ZNF362: variants seen among roughly 807,000 people sequenced by gnomAD.
ZNF362 encodes rotund homolog.
Under a neutral mutation model 42.9 loss-of-function variants are expected in ZNF362, and 11 were observed. That is an observed-to-expected ratio of 0.26 (90% CI 0.16 to 0.42). The LOEUF (loss-of-function observed/expected upper bound fraction) is 0.42. Ranked by LOEUF, ZNF362 falls within the 20% of genes least tolerant of loss-of-function variation. The probability of loss-of-function intolerance (pLI) is 1.00; values close to 1 mark genes in which losing one functional copy is unlikely to be tolerated. For synonymous variants in ZNF362, 255 were observed against 257.3 expected (o/e 0.99, Z 0.09); for missense variants, 362 against 576.2 (o/e 0.63, Z 3.81).
At chr1:33,159,918 A>G in the ZNF362 span, 2 of 1,606,316 alleles carry the variant, frequency 1.2e-6, no homozygotes, top group Non-Finnish European at 8.5e-7. This position sits in a 1 kb window ranked among gnomAD's most constrained non-coding sequence, Gnocchi z 4.2. Flanking sequence ...CCTCGCCGAT[A>G]GTGGTCCGCA....
chr1:33,186,923 A>G, the ZNF362 span, among the ~76,000 whole-genome samples: 5 of 150,468 alleles, frequency 3.3e-5, no homozygotes, highest in Non-Finnish European at 7.4e-5. Flanking sequence ...CCTTAAGATA[A>G]GGACTAAAGT....
At chr1:33,260,641 C>T (rs1645822815) in intron 1 of ZNF362, among the ~76,000 whole-genome samples, 1 of 152,178 alleles carries the variant, frequency 6.6e-6, no homozygotes, top group Non-Finnish European at 1.5e-5. Context: ...TGCTGAAGCG[C>T]CATGCGTGTG....
the ZNF362 span, among the ~76,000 whole-genome samples, chr1:33,230,241 A>G: frequency 6.6e-6 from 1 of 152,130 alleles, no homozygotes; most frequent in African/African-American, 2.4e-5. Context: ...GGTGGTGAGG[A>G]TTAAATCTGG....
chr1:33,232,526 G>C, the ZNF362 span, among the ~76,000 whole-genome samples: 1 of 152,174 alleles, frequency 6.6e-6, no homozygotes, highest in African/African-American at 2.4e-5. Flanking sequence ...CTCCCAAAGT[G>C]CTGGGATTAC....
the ZNF362 span, among the ~76,000 whole-genome samples, chr1:33,152,307 C>G: frequency 6.6e-6 from 1 of 152,248 alleles, no homozygotes; most frequent in African/African-American, 2.4e-5. Flanking sequence ...GGCTCACGCC[C>G]GTAATTCCAG....
the ZNF362 span, among the ~76,000 whole-genome samples, chr1:33,212,507 A>T: frequency 1.3e-5 from 2 of 152,150 alleles, no homozygotes; most frequent in African/African-American, 4.8e-5. Context: ...AAGTGGTTTA[A>T]TTGAGTCACA....
the ZNF362 span, chr1:33,147,047 C>G: frequency 1.1e-6 from 1 of 927,158 alleles, no homozygotes; most frequent in East Asian, 2.5e-5. This position sits in a 1 kb window ranked among gnomAD's most constrained non-coding sequence, Gnocchi z 8.1. Flanking sequence ...AGACTGGAGG[C>G]TGGAGGGTAA....
chr1:33,282,050 GC>G, intron 6 of ZNF362: 1 of 553,614 alleles, frequency 1.8e-6, no homozygotes, highest in Non-Finnish European at 3.3e-6. Flanking sequence ...CCCCTCTCCC[GC>G]TTTTCCCTGT....
chr1:33,218,969 AC>A, the ZNF362 span, among the ~76,000 whole-genome samples: 6 of 150,710 alleles, frequency 4.0e-5, no homozygotes, highest in African/African-American at 1.5e-4. Flanking sequence ...ACACACACAC[AC>A]ACACACACAC....
the ZNF362 span, among the ~76,000 whole-genome samples, chr1:33,215,998 G>A: frequency 6.6e-6 from 1 of 151,610 alleles, no homozygotes; most frequent in Admixed American, 6.6e-5. Context: ...TTATATGTCA[G>A]TATCTCCAAC....
the ZNF362 span, among the ~76,000 whole-genome samples, chr1:33,188,374 G>A: frequency 3.3e-5 from 5 of 152,328 alleles, no homozygotes; most frequent in South Asian, 6.2e-4. Context: ...AGCAGGACCA[G>A]TGAATAACAT....
At chr1:33,252,379 A>G (rs1240127985), upstream of ZNF362, among the ~76,000 whole-genome samples, 4 of 91,052 alleles carry the variant, frequency 4.4e-5, no homozygotes, top group Non-Finnish European at 1.1e-4. Flanking sequence ...CAACAACAAC[A>G]ACAACAACCA....
At chr1:33,283,021 A>G (rs1646007610) in intron 6 of ZNF362, among the ~76,000 whole-genome samples, 1 of 152,188 alleles carries the variant, frequency 6.6e-6, no homozygotes, top group Non-Finnish European at 1.5e-5. Flanking sequence ...CGTGTTTGCC[A>G]ATATCAGCAT....
chr1:33,271,747 T>C (rs186773476), intron 2 of ZNF362, among the ~76,000 whole-genome samples: 4 of 150,572 alleles, frequency 2.7e-5, no homozygotes, highest in African/African-American at 1.0e-4. Context: ...GGCAGATGTG[T>C]GGTAGATCAC....
At chr1:33,180,917 G>A in the ZNF362 span, 2 of 691,188 alleles carry the variant, frequency 2.9e-6, no homozygotes, top group African/African-American at 2.0e-5. Context: ...CCCGCCCCAG[G>A]ACCATTCTGA....
chr1:33,270,030 C>T (rs1191130340), intron 1 of ZNF362, among the ~76,000 whole-genome samples: 11 of 152,220 alleles, frequency 7.2e-5, no homozygotes, highest in African/African-American at 2.7e-4. Context: ...CCTAAGGCAA[C>T]TTGCTTAACC....
At chr1:33,185,877 G>A in the ZNF362 span, among the ~76,000 whole-genome samples, 1 of 152,022 alleles carries the variant, frequency 6.6e-6, no homozygotes, top group Non-Finnish European at 1.5e-5. Context: ...ACAATCACAG[G>A]CATTATTTGC....
the ZNF362 span, among the ~76,000 whole-genome samples, chr1:33,143,435 A>G: frequency 6.6e-6 from 1 of 152,206 alleles, no homozygotes; most frequent in Non-Finnish European, 1.5e-5. Context: ...TAGAGCAGTC[A>G]CAGGGATCTG....
the ZNF362 span, among the ~76,000 whole-genome samples, chr1:33,161,710 C>T: frequency 5.3e-5 from 8 of 152,244 alleles, no homozygotes; most frequent in Non-Finnish European, 8.8e-5. The surrounding 1 kb of genome is among the most constrained non-coding windows in gnomAD (Gnocchi z 4.3). Context: ...AGATGGGGTC[C>T]GTCGTCCCTG....
Sources: allele counts gnomAD v4.1 joint callset (sites outside exome capture counted in the v4.1 genomes callset), GRCh38; gene constraint gnomAD v4.1.1; non-coding constraint Gnocchi (gnomAD v3.1); transcripts MANE v1.5; gene names NCBI Gene and HGNC (gene_info 2026-07-23, HGNC 2026-07-21).